Variants in ERI3 observed in about 807,000 individuals in gnomAD.
The protein encoded by ERI3 is ERI1 exoribonuclease 3.
A neutral mutation model predicts 44.4 loss-of-function variants in ERI3; 18 were observed. The ratio of observed to expected loss-of-function variants is 0.41; its 90% CI spans 0.28 to 0.60. The LOEUF (loss-of-function observed/expected upper bound fraction) is 0.60. Among genes scored for constraint, ERI3 ranks in the 20% least tolerant of loss-of-function variants. The pLI is 0.36. For synonymous variants in ERI3, 183 were observed against 164.8 expected (o/e 1.11, Z -0.84); for missense variants, 294 against 435.5 (o/e 0.68, Z 2.89).
intron 4 of ERI3, among the ~76,000 whole-genome samples, chr1:44,314,502 T>C (rs1646041702): frequency 6.6e-6 from 1 of 152,160 alleles, no homozygotes; most frequent in Non-Finnish European, 1.5e-5. Context: ...GAAAATAAAT[T>C]AGAAAGATTA....
chr1:44,337,762 C>T (rs1026206762), intron 3 of ERI3, among the ~76,000 whole-genome samples: 59 of 152,138 alleles, frequency 3.9e-4, no homozygotes, highest in African/African-American at 1.4e-3. Context: ...CAGATCCCTT[C>T]CTGAAAAAAC....
chr1:44,246,892 C>A (rs1397591295), intron 8 of ERI3, among the ~76,000 whole-genome samples: 5 of 151,646 alleles, frequency 3.3e-5, no homozygotes, highest in South Asian at 4.2e-4. Flanking sequence ...TCTCTCCAGT[C>A]CCCCCCCACA....
intron 6 of ERI3, among the ~76,000 whole-genome samples, chr1:44,297,990 G>C (rs1027892001): frequency 6.6e-6 from 1 of 152,250 alleles, no homozygotes; most frequent in African/African-American, 2.4e-5. Context: ...GTCCTGCCAA[G>C]GTGGCAAGGG....
Position 44,355,011 on chromosome 1 carries a change from G to T in ERI3, c.16C>A (p.Pro6Thr), listed in dbSNP as rs997513342. The change falls in exon 1 of 9, where the codon CCC becomes ACC. Residue 6 changes from proline (P) to threonine (T), a missense_variant. By Grantham distance (38) the Pro-to-Thr change is conservative (BLOSUM62 -1). Around this residue, in one of 2 missense-constraint regions of ERI3, gnomAD observed 107 missense variants for 96.9 expected, o/e 1.10. Coordinates refer to ENST00000372257, the MANE Select transcript of ERI3 (RefSeq NM_024066.3). MATAS[P>T]AADGGRGRPW... Reference sequence around the variant, plus strand: ...CGCCCCCGCCCCCCGTCAGCAGCGGGAGAGGCTGTCGCCATGGCAACGCCC... The same window carrying T: ...CGCCCCCGCCCCCCGTCAGCAGCGGTAGAGGCTGTCGCCATGGCAACGCCC... The T allele has an allele frequency of 2.9e-6, 4 of 1,390,126 alleles. No homozygotes were observed. The highest frequency in any genetic ancestry group is 3.0e-5 in the African/African-American group (2 of 66,904). The allele number at this position is 1,390,126 out of a possible 1,614,324, so 86.1% of individuals were successfully genotyped here.
intron 8 of ERI3, among the ~76,000 whole-genome samples, chr1:44,240,296 C>T (rs993194315): frequency 1.3e-5 from 2 of 152,136 alleles, no homozygotes; most frequent in African/African-American, 2.4e-5. Flanking sequence ...TCCCCTTTGG[C>T]CTGGTTCAGC....
intron 2 of ERI3, among the ~76,000 whole-genome samples, chr1:44,343,015 G>A (rs556006018): frequency 6.6e-6 from 1 of 150,710 alleles, no homozygotes; most frequent in African/African-American, 2.4e-5. Flanking sequence ...AGCCCCAGTT[G>A]CCTTCTAAAT....
intron 7 of ERI3, among the ~76,000 whole-genome samples, chr1:44,253,827 C>T (rs1037836870): frequency 6.6e-6 from 1 of 152,146 alleles, no homozygotes; most frequent in Admixed American, 6.5e-5. Flanking sequence ...CCAGCCAGCC[C>T]GCAACTGCTC....
In ERI3 at chr1:44,355,065, CT is replaced by C; in HGVS notation, c.-40del. On this transcript the variant is annotated 5_prime_UTR_variant, in exon 1 of 9. Coordinates refer to ENST00000372257, the MANE Select transcript of ERI3 (RefSeq NM_024066.3). ...CCTCGGGGCCAGCGCGGCAGGCTCC[CT>C]CCAGGTGCAGGCCCCGACGTCTCCC... 1 of 1,333,234 alleles carries C rather than the reference CT, an allele frequency of 7.5e-7. No homozygotes were observed. Among genetic ancestry groups the C allele is most frequent in the Non-Finnish European group, 9.6e-7 (1 of 1,037,522 alleles). 82.6% of individuals were successfully genotyped at this position (1,333,234 alleles called of 1,614,324 possible).
At chr1:44,230,939 TTA>T (rs1644169143) in intron 8 of ERI3, among the ~76,000 whole-genome samples, 2 of 152,288 alleles carry the variant, frequency 1.3e-5, no homozygotes, top group South Asian at 4.1e-4. Flanking sequence ...AATAACAAGG[TTA>T]TTATCCAAAG....
chr1:44,337,255 T>C (rs1646553111), intron 3 of ERI3, among the ~76,000 whole-genome samples: 1 of 152,194 alleles, frequency 6.6e-6, no homozygotes, highest in South Asian at 2.1e-4. Flanking sequence ...CAAGCGATTA[T>C]GAGGGATCAG....
At chr1:44,334,917 G>C (rs975062680) in intron 3 of ERI3, among the ~76,000 whole-genome samples, 1 of 152,176 alleles carries the variant, frequency 6.6e-6, no homozygotes, top group Admixed American at 6.5e-5. Flanking sequence ...GGAAATCAAA[G>C]ATAGATAAAA....
intron 7 of ERI3, among the ~76,000 whole-genome samples, chr1:44,259,042 C>A (rs1156381810): frequency 6.6e-6 from 1 of 152,168 alleles, no homozygotes; most frequent in Non-Finnish European, 1.5e-5. Flanking sequence ...TCATTCACAA[C>A]AAACATTTAC....
At position 44,333,319 on chromosome 1, in the gene ERI3, G is replaced by A. The variant is rs74070464; in HGVS notation, c.489+5726C>T. On this transcript the variant is annotated intron_variant, in intron 3 of 8. Transcript: ENST00000372257. ...TCATTTTCCAGTTTAGAAGAATAGC[G>A]TCAGCGCCTTCGCCTGTCTGTACAG... 5.9e-3 allele frequency among the ~76,000 whole-genome samples: 899 copies of A among 152,308 alleles called. 15 individuals carry two copies. Among genetic ancestry groups the A allele is most frequent in the African/African-American group, 0.021 (874 of 41,564 alleles).
intron 3 of ERI3, among the ~76,000 whole-genome samples, chr1:44,324,777 C>T (rs754922665): frequency 6.6e-6 from 1 of 152,146 alleles, no homozygotes; most frequent in Non-Finnish European, 1.5e-5. Flanking sequence ...CCACCGCGCC[C>T]GGCCAACATG....
At chr1:44,321,814 T>C (rs1422905185) in intron 3 of ERI3, among the ~76,000 whole-genome samples, 1 of 152,220 alleles carries the variant, frequency 6.6e-6, no homozygotes, top group Non-Finnish European at 1.5e-5. Context: ...ACTGTACTTT[T>C]CATTTAAACT....
intron 8 of ERI3, among the ~76,000 whole-genome samples, chr1:44,231,212 G>A (rs1033286374): frequency 2.6e-5 from 4 of 152,134 alleles, no homozygotes; most frequent in Non-Finnish European, 5.9e-5. Flanking sequence ...TATCATGCTG[G>A]CAGTCAAAAA....
At chr1:44,341,730 T>C (rs916150511) in intron 2 of ERI3, among the ~76,000 whole-genome samples, 7 of 151,936 alleles carry the variant, frequency 4.6e-5, no homozygotes, top group Non-Finnish European at 1.0e-4. Flanking sequence ...CTACAAAAAA[T>C]AAATTAAAAA....
At chr1:44,288,040 T>G (rs145175546) in intron 6 of ERI3, among the ~76,000 whole-genome samples, 1 of 152,120 alleles carries the variant, frequency 6.6e-6, no homozygotes, top group Non-Finnish European at 1.5e-5. Flanking sequence ...ATTTTAAGGG[T>G]AGACATAGCT....
At chr1:44,310,098 CA>C (rs1645921737) in intron 5 of ERI3, among the ~76,000 whole-genome samples, 1 of 152,132 alleles carries the variant, frequency 6.6e-6, no homozygotes, top group Admixed American at 6.6e-5. Flanking sequence ...GTACCTACCA[CA>C]AAACAGGTAA....
Sources: allele counts gnomAD v4.1 joint callset (sites outside exome capture counted in the v4.1 genomes callset), GRCh38; gene constraint gnomAD v4.1.1; regional missense constraint gnomAD v4.1.1; transcripts MANE v1.5; gene names NCBI Gene and HGNC (gene_info 2026-07-23, HGNC 2026-07-21).